Variants in NBN observed in about 807,000 individuals in gnomAD.
NBN encodes the protein nibrin, also known as Nijmegen breakage syndrome 1 (nibrin).
Under a neutral mutation model 90.8 loss-of-function variants are expected in NBN, and 88 were observed. The observed-to-expected ratio is 0.97, with a 90% confidence interval of 0.82 to 1.16. NBN has a LOEUF of 1.16. Ranked by LOEUF, NBN falls within the 50% of genes most tolerant of loss-of-function variation. The pLI is 0.00. For missense variants in NBN, 894 were observed against 869.6 expected, an observed-to-expected ratio of 1.03 and a Z score of -0.35; for synonymous variants, 328 against 295.1, an observed-to-expected ratio of 1.11 and a Z score of -1.14.
intron 5 of NBN, among the ~76,000 whole-genome samples, chr8:89,976,388 C>A (rs1811758603): frequency 6.6e-6 from 1 of 152,190 alleles, no homozygotes; most frequent in South Asian, 2.1e-4. Flanking sequence ...TGGCTGAAAG[C>A]AGCCAGATTC....
chr8:89,970,305 A>G, intron 7 of NBN, 59 bp downstream of exon 7: 1 of 1,422,800 alleles, frequency 7.0e-7, no homozygotes, highest in Admixed American at 1.8e-5. Context: ...AGCAACAAAA[A>G]AGGTTAAACA....
intron 5 of NBN, among the ~76,000 whole-genome samples, chr8:89,971,654 G>T (rs982065789): frequency 3.3e-5 from 5 of 152,144 alleles, no homozygotes; most frequent in Non-Finnish European, 7.4e-5. Flanking sequence ...TTAGCATCTT[G>T]TGTTTACTTA....
intron 11 of NBN, among the ~76,000 whole-genome samples, chr8:89,951,627 G>T (rs1810454111): frequency 6.6e-6 from 1 of 152,082 alleles, no homozygotes; most frequent in African/African-American, 2.4e-5. Flanking sequence ...TTCAACAAAT[G>T]TCACATTAAA....
At chr8:89,982,637 A>C in intron 2 of NBN, 85 bp downstream of exon 2, 1 of 1,213,558 alleles carries the variant, frequency 8.2e-7, no homozygotes, top group Non-Finnish European at 1.2e-6. Context: ...AATCCTGTGA[A>C]CTCTCTCTCA....
At chr8:89,942,650 C>T (rs527706424) in intron 14 of NBN, among the ~76,000 whole-genome samples, 26 of 152,186 alleles carry the variant, frequency 1.7e-4, no homozygotes, top group African/African-American at 1.2e-4. Context: ...AATAAATGAA[C>T]GGATGCAATG....
chr8:89,982,569 A>G, intron 2 of NBN, 153 bp downstream of exon 2: 2 of 697,382 alleles, frequency 2.9e-6, no homozygotes, highest in Non-Finnish European at 5.1e-6. Flanking sequence ...CACTGCCACA[A>G]TATAAGTATT....
intron 15 of NBN, among the ~76,000 whole-genome samples, chr8:89,936,741 A>T (rs1809702708): frequency 6.6e-6 from 1 of 152,190 alleles, no homozygotes; most frequent in Non-Finnish European, 1.5e-5. Flanking sequence ...AGAGCTGAAA[A>T]ATCTCACAAA....
chr8:89,978,332 A>T lies in NBN; in HGVS notation c.481-9T>A, dbSNP rs1563574400. 1.3e-6 allele frequency: 2 copies of T among 1,580,856 alleles called. No individual in the cohort carries two copies. Among genetic ancestry groups the T allele is most frequent in the Admixed American group, 3.3e-5 (2 of 59,930 alleles). On this transcript the variant is annotated splice_polypyrimidine_tract_variant and intron_variant, in intron 4 of 15. Transcript: ENST00000265433. ...ATGAGTGCACATATTGTCTACAATGAAGAAAACATGTGAATATATATATTC... is the reference window on the plus strand; with the variant it reads ...ATGAGTGCACATATTGTCTACAATGTAGAAAACATGTGAATATATATATTC...
chr8:89,938,213 G>GT (rs2130742180), intron 14 of NBN, among the ~76,000 whole-genome samples: 2 of 152,222 alleles, frequency 1.3e-5, no homozygotes, highest in East Asian at 3.9e-4. Context: ...TACAGATAGA[G>GT]TAAGTCCTGA....
intron 13 of NBN, among the ~76,000 whole-genome samples, chr8:89,943,775 A>G (rs548159490): frequency 6.6e-6 from 1 of 152,266 alleles, no homozygotes; most frequent in South Asian, 2.1e-4. Flanking sequence ...AATCTTTTTC[A>G]AAACTTTCCA....
Position 89,978,325 on chromosome 8 carries a change from T to C in NBN, c.481-2A>G, listed in dbSNP as rs751567476. ...TCCACAAATGAGTGCACATATTGTC[T>C]ACAATGAAGAAAACATGTGAATATA... On this transcript the variant is annotated splice_acceptor_variant, in intron 4 of 15. Coordinates refer to ENST00000265433, the MANE Select transcript of NBN (RefSeq NM_002485.5). LOFTEE classifies it high-confidence loss of function. 6.3e-7 allele frequency: 1 copy of C among 1,582,802 alleles called. No homozygotes were observed. The highest frequency in any genetic ancestry group is 8.7e-7 in the Non-Finnish European group (1 of 1,151,806).
intron 8 of NBN, among the ~76,000 whole-genome samples, chr8:89,962,899 A>G (rs1811058251): frequency 6.6e-6 from 1 of 152,220 alleles, no homozygotes; most frequent in African/African-American, 2.4e-5. Context: ...ACATTAAAAT[A>G]TAAGCCATTT....
intron 15 of NBN, 24 bp downstream of exon 15, chr8:89,937,002 T>C: frequency 6.4e-7 from 1 of 1,568,540 alleles, no homozygotes; most frequent in Non-Finnish European, 8.8e-7. Context: ...CAAAGGTACA[T>C]GAGAAAGGTG....
At chr8:89,947,393 G>C (rs1273095015) in intron 12 of NBN, among the ~76,000 whole-genome samples, 1 of 152,096 alleles carries the variant, frequency 6.6e-6, no homozygotes, top group South Asian at 2.1e-4. Context: ...ACTTTGTGAG[G>C]CCAAGGCGGG....
rs1057521670 is a variant in NBN at position 89,953,418 on chromosome 8, G to A, written c.1671C>T (p.Ala557=). The A allele has an allele frequency of 6.2e-7, 1 of 1,613,600 alleles. No homozygotes were observed. The highest frequency in any genetic ancestry group is 1.1e-5 in the South Asian group (1 of 91,060). ...SNKKREMDDV[A]IEDEVLEQLF... Reference sequence around the variant, plus strand: ...ACTGTTCCAATACTTCATCTTCTATGGCCACATCATCCATTTCCCTTTTTT... The same window carrying A: ...ACTGTTCCAATACTTCATCTTCTATAGCCACATCATCCATTTCCCTTTTTT... The change falls in exon 11 of 16, where the codon GCC becomes GCT. Residue 557 remains alanine, a synonymous_variant. Transcript: ENST00000265433.
At chr8:89,949,019 T>C (rs1810326298) in intron 11 of NBN, among the ~76,000 whole-genome samples, 1 of 152,232 alleles carries the variant, frequency 6.6e-6, no homozygotes, top group South Asian at 2.1e-4. Flanking sequence ...TTATTTCCCA[T>C]ATAAGTAAAC....
At chr8:89,981,886 T>A in intron 2 of NBN, 1 of 769,912 alleles carries the variant, frequency 1.3e-6, no homozygotes, top group Non-Finnish European at 1.8e-6. Context: ...TTTTACAGTA[T>A]CAAAACCACA....
Position 89,947,515 on chromosome 8 carries a change from G to C in NBN, c.1914+309C>G, listed in dbSNP as rs192855332. 4.6e-5 allele frequency among the ~76,000 whole-genome samples: 7 copies of C among 152,156 alleles called. No individual in the cohort carries two copies. In the East Asian group the frequency reaches 1.2e-3, roughly 25 times the overall value. ...GTGGTGGCACATGCCTGTAGTCCTA[G>C]CTACTCGGGAGGCTGAGGGAGGAGA... On this transcript the variant is annotated intron_variant, in intron 12 of 15. Transcript: ENST00000265433.
At position 89,953,442 on chromosome 8, in the gene NBN, T is replaced by A; in HGVS notation, c.1647A>T (p.Lys549Asn). The A allele has an allele frequency of 6.2e-7, 1 of 1,613,858 alleles. No individual in the cohort carries two copies. The highest frequency in any genetic ancestry group is 8.5e-7 in the Non-Finnish European group (1 of 1,179,842). The change falls in exon 11 of 16, where the codon AAA (lysine) becomes AAT (asparagine). Residue 549 changes from lysine to asparagine, a missense_variant. Lys to Asn is a moderately conservative substitution (Grantham distance 94). Transcript: ENST00000265433. ...TGGCCACATCATCCATTTCCCTTTT[T>A]TTATTTGATCTTAGCTTTTCTGCAG... ...SHAAEKLRSNKKREMDDVAIE... is the reference protein window; with the variant it reads ...SHAAEKLRSNNKREMDDVAIE...
Sources: gnomAD v4.1 joint callset for allele counts (sites outside exome capture counted in the v4.1 genomes callset) on GRCh38, gnomAD v4.1.1 for gene constraint, MANE v1.5 for transcripts, NCBI Gene and HGNC (gene_info 2026-07-23, HGNC 2026-07-21) for gene names.